The following UFSP2 variants were observed in gnomAD, a reference collection of about 807,000 sequenced individuals.
The protein encoded by UFSP2 is ufm1-specific protease 2.
A neutral mutation model predicts 60.2 loss-of-function variants in UFSP2; 43 were observed. The observed-to-expected ratio is 0.71, with a 90% CI of 0.56 to 0.92. UFSP2 has a LOEUF of 0.92. Ranked by LOEUF, UFSP2 falls within the 40% of genes least tolerant of loss-of-function variation. The pLI is 0.00. For missense variants in UFSP2, 520 were observed against 575.0 expected (o/e 0.90, Z 0.98); for synonymous variants, 183 against 195.1 (o/e 0.94, Z 0.52).
chr4:185,415,626 T>A (rs1234648162), intron 5 of UFSP2, 84 bp downstream of exon 5: 1 of 1,211,692 alleles, frequency 8.3e-7, no homozygotes, highest in African/African-American at 1.5e-5. Context: ...AATCACACCT[T>A]AGGTATACCT....
intron 1 of UFSP2, among the ~76,000 whole-genome samples, chr4:185,424,431 T>C (rs1412233267): frequency 1.3e-5 from 2 of 152,234 alleles, no homozygotes; most frequent in African/African-American, 4.8e-5. Flanking sequence ...TACAAATCCT[T>C]TGTCACATTT....
At chr4:185,418,187 G>A (rs946526443) in intron 4 of UFSP2, among the ~76,000 whole-genome samples, 2 of 152,160 alleles carry the variant, frequency 1.3e-5, no homozygotes, top group Non-Finnish European at 2.9e-5. Flanking sequence ...ATTTATAAAT[G>A]TATTTAGGCT....
intron 1 of UFSP2, among the ~76,000 whole-genome samples, chr4:185,424,730 AAGTT>A (rs368089827): frequency 2.0e-5 from 3 of 152,240 alleles, no homozygotes; most frequent in Non-Finnish European, 2.9e-5. Flanking sequence ...CTGAAGATAA[AAGTT>A]AGACAGGAAA....
intron 6 of UFSP2, among the ~76,000 whole-genome samples, chr4:185,414,695 A>G (rs2095535269): frequency 6.6e-6 from 1 of 152,210 alleles, no homozygotes; most frequent in Non-Finnish European, 1.5e-5. Flanking sequence ...GTTTTCTCCA[A>G]AATTCCTCTA....
At position 185,415,238 on chromosome 4, in the gene UFSP2, A is replaced by C; in HGVS notation, c.601T>G (p.Phe201Val). 1 of 1,604,672 alleles carries C rather than the reference A, an allele frequency of 6.2e-7. No individual in the cohort carries two copies. The highest frequency in any genetic ancestry group is 8.5e-7 in the Non-Finnish European group (1 of 1,178,070). ...TSIVVPEPLH[F>V]LLPGKKNLVT... ...AGATTTTTTTTCCCTGGTAATAAAA[A>C]GTGCAGTGGTTCAGGGACCACAATA... Residue 201 changes from phenylalanine to valine, a missense_variant, in exon 6 of 12, where the codon TTT becomes GTT. Phe to Val is a conservative substitution (Grantham distance 50). Transcript: ENST00000264689.
rs1302200506 is a variant in UFSP2 at position 185,399,645 on chromosome 4, TACA to T, written c.*744_*746del. 1.9e-6 allele frequency: 3 copies of T among 1,614,196 alleles called. No homozygotes were observed. The highest frequency in any genetic ancestry group is 2.5e-6 in the Non-Finnish European group (3 of 1,180,006). On this transcript the variant is annotated 3_prime_UTR_variant, in exon 12 of 12. Transcript: ENST00000264689. ...GATTTCCAGACTGTGCCAAGTTTCT[TACA>T]ACAATTAAATGTATGCAGACAATAA... is the stretch of plus-strand genomic sequence containing the variant.
chr4:185,418,667 T>C lies in UFSP2; in HGVS notation c.186A>G (p.Ile62Met), dbSNP rs142706569. The C allele has an allele frequency of 1.4e-4, 218 of 1,614,028 alleles. No homozygotes were observed. In the African/African-American group the frequency reaches 2.6e-3, roughly 19 times the overall value. ...VFRICHSSVY[I>M]WPSSDINTIP... ...TGGTGTTTATGTCACTGCTAGGCCA[T>C]ATATACACTGAACTGTGGCAAATTC... The change falls in exon 3 of 12, where the codon ATA (isoleucine) becomes ATG (methionine). Residue 62 changes from isoleucine (I) to methionine (M), a missense_variant. By Grantham distance (10) the Ile-to-Met change is conservative. Transcript: ENST00000264689.
intron 7 of UFSP2, among the ~76,000 whole-genome samples, chr4:185,410,428 C>G (rs1043130120): frequency 2.0e-5 from 3 of 150,116 alleles, no homozygotes; most frequent in African/African-American, 7.4e-5. Context: ...GTGGGTAGAT[C>G]ACCTAAAGTC....
intron 7 of UFSP2, among the ~76,000 whole-genome samples, chr4:185,412,372 T>C (rs1161005917): frequency 3.9e-5 from 6 of 152,210 alleles, no homozygotes; most frequent in Admixed American, 3.9e-4. Flanking sequence ...CTGAGTACAC[T>C]CTAATGACCA....
chr4:185,415,748 A>C lies in UFSP2; in HGVS notation c.453T>G (p.Asp151Glu), dbSNP rs1580070623. Residue 151 changes from aspartate (D) to glutamate (E), a missense_variant, in exon 5 of 12, where the codon GAT (aspartate) becomes GAG (glutamate). Transcript: ENST00000264689. ...HHYVNMTLPV[D>E]AVISVAPEET... ...CTTCTGGAGCAACAGATATAACTGCATCGACAGGTAAAGTCATATTAACAT... is the reference window on the plus strand; with the variant it reads ...CTTCTGGAGCAACAGATATAACTGCCTCGACAGGTAAAGTCATATTAACAT... The C allele has an allele frequency of 6.2e-7, 1 of 1,613,502 alleles. No individual in the cohort carries two copies. The highest frequency in any genetic ancestry group is 1.3e-5 in the African/African-American group (1 of 75,028).
At position 185,421,769 on chromosome 4, in the gene UFSP2, G is replaced by A. The variant is rs1165328219; in HGVS notation, c.82+716C>T. Among the ~76,000 whole-genome samples the A allele has an allele frequency of 3.9e-5, 6 of 152,312 alleles. No homozygotes were observed. In the East Asian group the frequency reaches 1.2e-3, roughly 29 times the overall value. Reference sequence around the variant, plus strand: ...CCTGATCTTTCTGAACGGCTCTGTGGCTTCTGGCACCACTACTCGTACTTT... The same window carrying A: ...CCTGATCTTTCTGAACGGCTCTGTGACTTCTGGCACCACTACTCGTACTTT... On this transcript the variant is annotated intron_variant, in intron 2 of 11. Transcript: ENST00000264689.
At chr4:185,407,829 A>G (rs1401248456) in intron 9 of UFSP2, 107 bp downstream of exon 9, 2 of 1,223,330 alleles carry the variant, frequency 1.6e-6, no homozygotes, top group Non-Finnish European at 2.2e-6. Flanking sequence ...GAAGAAGGAA[A>G]AGGAATAAAA....
At chr4:185,401,992 C>A (rs2095513801) in intron 11 of UFSP2, among the ~76,000 whole-genome samples, 2 of 152,182 alleles carry the variant, frequency 1.3e-5, no homozygotes, top group Admixed American at 6.5e-5. Flanking sequence ...GTCCTTCCAG[C>A]CTCACCTCTT....
chr4:185,421,539 C>CT (rs570087589), intron 2 of UFSP2, among the ~76,000 whole-genome samples: 137 of 152,278 alleles, frequency 9.0e-4, no homozygotes, highest in African/African-American at 3.1e-3. Context: ...TTTGCTCCTT[C>CT]TTTTGCCATG....
chr4:185,420,177 C>T (rs925387454), intron 2 of UFSP2, among the ~76,000 whole-genome samples: 2 of 4,654 alleles, frequency 4.3e-4, no homozygotes, highest in African/African-American at 3.9e-4. Context: ...TCTAAAGTCA[C>T]GGTTGGTTTT....
chr4:185,423,680 A>G (rs2095553513), intron 1 of UFSP2, among the ~76,000 whole-genome samples: 1 of 152,218 alleles, frequency 6.6e-6, no homozygotes, highest in African/African-American at 2.4e-5. Flanking sequence ...AAATGGAACT[A>G]ATCAGTTCTT....
intron 9 of UFSP2, 88 bp downstream of exon 9, chr4:185,407,848 G>A: frequency 7.4e-7 from 1 of 1,353,640 alleles, no homozygotes; most frequent in Non-Finnish European, 1.0e-6. Context: ...AAAGAAATAA[G>A]GGAAGATACC....
chr4:185,413,282 G>A (rs1407757561), intron 7 of UFSP2, among the ~76,000 whole-genome samples: 1 of 152,182 alleles, frequency 6.6e-6, no homozygotes, highest in Non-Finnish European at 1.5e-5. Flanking sequence ...CAGCTGCTCA[G>A]GAGACTGAGG....
At position 185,418,705 on chromosome 4, in the gene UFSP2, C is replaced by T. The variant is rs778321208; in HGVS notation, c.148G>A (p.Ala50Thr). 2.2e-5 allele frequency: 36 copies of T among 1,613,588 alleles called. 1 individual carries two copies. The East Asian group carries it at 5.4e-4, about 24-fold the overall frequency. Residue 50 changes from alanine (A) to threonine (T), a missense_variant, in exon 3 of 12, where the codon GCC becomes ACC. Ala to Thr is a moderately conservative substitution (Grantham distance 58, BLOSUM62 0). Transcript: ENST00000264689. ...CTGTGGCAAATTCTGAACACAAGGG[C>T]GTTTGAAGACAGCTTAGTTGACAGG... Reference protein sequence around the residue: ...SDLSTKLSSNALVFRICHSSV... With the variant: ...SDLSTKLSSNTLVFRICHSSV...
Sources: allele counts gnomAD v4.1 joint callset (sites outside exome capture counted in the v4.1 genomes callset), GRCh38; gene constraint gnomAD v4.1.1; transcripts MANE v1.5; gene names NCBI Gene and HGNC (gene_info 2026-07-23, HGNC 2026-07-21).